Variants in CELA3B observed in about 807,000 individuals in gnomAD.
CELA3B encodes chymotrypsin-like elastase family member 3B.
CELA3B carries 34 observed loss-of-function variants against 37.2 expected under a neutral mutation model. That is an observed-to-expected ratio of 0.91 (90% CI 0.70 to 1.22). The LOEUF is 1.22. Ranked by LOEUF, CELA3B falls within the 50% of genes most tolerant of loss-of-function variation. CELA3B has a pLI of 0.00. For synonymous variants in CELA3B, 127 were observed against 143.5 expected (o/e 0.89, Z 0.82); for missense variants, 340 against 363.1 (o/e 0.94, Z 0.52).
chr1:21,977,713 A>G (rs1311245592), intron 1 of CELA3B, among the ~76,000 whole-genome samples: 1 of 151,650 alleles, frequency 6.6e-6, no homozygotes, highest in African/African-American at 2.4e-5. Flanking sequence ...GCAGAGCTGC[A>G]CTTAATGTTT....
chr1:21,981,555 C>A (rs1644804388), intron 4 of CELA3B, among the ~76,000 whole-genome samples: 1 of 151,666 alleles, frequency 6.6e-6, no homozygotes, highest in Non-Finnish European at 1.5e-5. Context: ...AGGAGGAGCA[C>A]TGGGCTGAGA....
At chr1:21,992,796 C>T (rs1447086191), downstream of CELA3B, among the ~76,000 whole-genome samples, 1 of 150,828 alleles carries the variant, frequency 6.6e-6, no homozygotes, top group Admixed American at 6.6e-5. Flanking sequence ...CCAGCTTGGG[C>T]AACATGGCAA....
intron 6 of CELA3B, among the ~76,000 whole-genome samples, 161 bp downstream of exon 6, chr1:21,984,492 C>T (rs1419588990): frequency 6.6e-6 from 1 of 151,838 alleles, no homozygotes; most frequent in Non-Finnish European, 1.5e-5. Flanking sequence ...GACACAGAGC[C>T]CAGGCCTGGG....
intron 4 of CELA3B, among the ~76,000 whole-genome samples, chr1:21,996,478 A>G (rs1469350412): frequency 4.0e-5 from 6 of 151,222 alleles, no homozygotes. Flanking sequence ...TATATGGCCT[A>G]AAATAAGGGG....
At chr1:21,980,444 C>A (rs1401157847) in intron 2 of CELA3B, among the ~76,000 whole-genome samples, 3 of 152,126 alleles carry the variant, frequency 2.0e-5, no homozygotes, top group Non-Finnish European at 4.4e-5. Context: ...GCCACCATTG[C>A]ACTCCAGCCT....
chr1:21,984,310 G>C lies in CELA3B; in HGVS notation c.621G>C (p.Gly207=), dbSNP rs1644825562. ...AGAAGACCATGGTGTGTGCTGGAGGGGACATCCGCTCCGGCTGCAATGTGA... is the reference window on the plus strand; with the variant it reads ...AGAAGACCATGGTGTGTGCTGGAGGCGACATCCGCTCCGGCTGCAATGTGA... ...SVKKTMVCAG[G]DIRSGCNGDS... The change falls in exon 6 of 8, where the codon GGG becomes GGC. Residue 207 remains glycine (G), a synonymous_variant. Coordinates refer to ENST00000337107, the MANE Select transcript of CELA3B (RefSeq NM_007352.4). The C allele has an allele frequency of 6.2e-7, 1 of 1,613,680 alleles. No individual in the cohort carries two copies. The highest frequency in any genetic ancestry group is 8.5e-7 in the Non-Finnish European group (1 of 1,179,878).
At chr1:21,997,785 A>C (rs2152818533) in intron 4 of CELA3B, among the ~76,000 whole-genome samples, 1 of 151,524 alleles carries the variant, frequency 6.6e-6, no homozygotes, top group Admixed American at 6.6e-5. Flanking sequence ...TATGAGTTAC[A>C]ACAATATAGC....
chr1:21,985,139 C>T (rs960314362), intron 6 of CELA3B, among the ~76,000 whole-genome samples: 8 of 151,906 alleles, frequency 5.3e-5, no homozygotes, highest in Non-Finnish European at 7.4e-5. Flanking sequence ...TTAAATTAGC[C>T]AGGCATGGTG....
chr1:21,987,072 C>T (rs1454153966), intron 7 of CELA3B: 1 of 370,342 alleles, frequency 2.7e-6, no homozygotes, highest in Non-Finnish European at 5.5e-6. Flanking sequence ...AGTCCAGGCC[C>T]CAGACTTCAT....
chr1:21,980,677 T>C, intron 2 of CELA3B, 147 bp from the exon 3 acceptor site: 1 of 631,088 alleles, frequency 1.6e-6, no homozygotes, highest in Non-Finnish European at 2.8e-6. Flanking sequence ...GGTCGCAGGT[T>C]GTATGCTGCA....
intron 7 of CELA3B, 115 bp from the exon 8 acceptor site, chr1:21,989,147 G>A: frequency 6.3e-7 from 1 of 1,594,346 alleles, no homozygotes; most frequent in South Asian, 1.1e-5. Context: ...GCTCAGAGAG[G>A]TCAATTCCTC....
downstream of CELA3B, among the ~76,000 whole-genome samples, chr1:21,992,338 C>A (rs192188515): frequency 2.1e-3 from 316 of 151,546 alleles, no homozygotes; most frequent in African/African-American, 7.4e-3. Context: ...GGCTGCAGTG[C>A]ACTATGGTCG....
At chr1:21,987,542 G>C (rs549204705) in intron 7 of CELA3B, 1 of 151,650 alleles carries the variant, frequency 6.6e-6, no homozygotes, top group African/African-American at 2.5e-5. Flanking sequence ...CAGGAGGATC[G>C]GTTGAGCCCT....
At position 21,983,734 on chromosome 1, in the gene CELA3B, C is replaced by G. The variant is rs1192691622; in HGVS notation, c.403C>G (p.Leu135Val). The G allele has an allele frequency of 1.7e-5, 28 of 1,614,064 alleles. No individual in the cohort carries two copies. The Admixed American group carries it at 4.5e-4, about 26-fold the overall frequency. ...CATCAAGCTCTCACGCAGCGCCCAG[C>G]TGGGAGACGCCGTCCAGCTCGCCTC... ...ALIKLSRSAQ[L>V]GDAVQLASLP... is the part of the protein sequence containing the mutation. The change falls in exon 5 of 8, where the codon CTG (leucine) becomes GTG (valine). Residue 135 changes from leucine (L) to valine (V), a missense_variant. Leu to Val is a conservative substitution (Grantham distance 32). Coordinates refer to ENST00000337107, the MANE Select transcript of CELA3B (RefSeq NM_007352.4).
In CELA3B at chr1:21,983,845, C is replaced by A; in HGVS notation, c.499+15C>A. The A allele has an allele frequency of 6.2e-7, 1 of 1,613,292 alleles. No homozygotes were observed. The highest frequency in any genetic ancestry group is 2.2e-5 in the East Asian group (1 of 44,866). ...CCGTCTCTATAGTACGTGCTGACTT[C>A]TCTAGCTGGCCACAGGGACAGTGGC... On this transcript the variant is annotated intron_variant, in intron 5 of 7. Transcript: ENST00000337107.
At chr1:21,998,295 C>T (rs1644899764) in exon 5 of CELA3B, 2 of 452,770 alleles carry the variant, frequency 4.4e-6, no homozygotes, top group Admixed American at 4.8e-5. Flanking sequence ...TTTCCAATCC[C>T]ATCTGACCTT....
chr1:21,980,277 C>T (rs61776322), intron 2 of CELA3B, among the ~76,000 whole-genome samples: 118,562 of 144,082 alleles, frequency 0.82, 49,647 homozygotes, highest in South Asian at 0.9. Context: ...GTGAGGAGCT[C>T]GAGACCAGCC....
At position 21,981,169 on chromosome 1, in the gene CELA3B, G is replaced by C. The variant is rs1278311003; in HGVS notation, c.359G>C (p.Cys120Ser). ...HPLWNRSCVA[C>S]GNDIALIKLS... ...CTCTGGAACCGCTCGTGTGTGGCCTGTGGGTGAGTGAATGCTCCGGTCTGG... is the reference window on the plus strand; with the variant it reads ...CTCTGGAACCGCTCGTGTGTGGCCTCTGGGTGAGTGAATGCTCCGGTCTGG... The change falls in exon 4 of 8, where the codon TGT becomes TCT. Residue 120 changes from cysteine (C) to serine (S), a missense_variant. By Grantham distance (112) the Cys-to-Ser change is moderately radical. Transcript: ENST00000337107. The C allele has an allele frequency of 1.9e-6, 3 of 1,611,698 alleles. No homozygotes were observed. Among genetic ancestry groups the C allele is most frequent in the Non-Finnish European group, 2.5e-6 (3 of 1,179,910 alleles).
At chr1:21,986,456 A>T in intron 6 of CELA3B, 75 bp from the exon 7 acceptor site, 1 of 1,564,826 alleles carries the variant, frequency 6.4e-7, no homozygotes, top group Non-Finnish European at 8.6e-7. Context: ...AGTTTCTCGA[A>T]ATCCCTAGAA....
Sources: gnomAD v4.1 joint callset for allele counts (sites outside exome capture counted in the v4.1 genomes callset) on GRCh38, gnomAD v4.1.1 for gene constraint, MANE v1.5 for transcripts, NCBI Gene and HGNC (gene_info 2026-07-23, HGNC 2026-07-21) for gene names.